The following RAB11FIP3 variants were observed in gnomAD, a reference collection of about 807,000 sequenced individuals.
The protein encoded by RAB11FIP3 is RAB11 family interacting protein 3.
RAB11FIP3 carries 17 observed loss-of-function variants against 77.8 expected under a neutral mutation model. The ratio of observed to expected loss-of-function variants is 0.22; its 90% CI spans 0.15 to 0.33. The LOEUF (loss-of-function observed/expected upper bound fraction) is 0.33, where lower values mean the gene tolerates loss of function less well. RAB11FIP3 is among the 10% of genes least tolerant of loss of function. RAB11FIP3 has a pLI of 1.00. For synonymous variants in RAB11FIP3, 437 were observed against 448.2 expected (o/e 0.98, Z 0.31); for missense variants, 1,005 against 1,011.2 (o/e 0.99, Z 0.08).
intron 1 of RAB11FIP3, among the ~76,000 whole-genome samples, chr16:453,964 C>T (rs961232156): frequency 3.3e-5 from 5 of 152,052 alleles, no homozygotes; most frequent in African/African-American, 9.7e-5. Context: ...AGTAGGAAAA[C>T]TCATATTATT....
At chr16:503,167 C>G in intron 7 of RAB11FIP3, 70 bp downstream of exon 7, 1 of 1,301,978 alleles carries the variant, frequency 7.7e-7, no homozygotes, top group Non-Finnish European at 1.1e-6. Flanking sequence ...AGGGCCGCTG[C>G]AGACACCCCG....
At chr16:488,720 T>C (rs1488245301) in intron 4 of RAB11FIP3, 131 bp from the exon 5 acceptor site, 66 of 838,744 alleles carry the variant, frequency 7.9e-5, no homozygotes, top group Non-Finnish European at 9.4e-5. Flanking sequence ...ACTTTTTTTT[T>C]TTTTTTAAAC....
chr16:445,356 T>G (rs1419943554), intron 1 of RAB11FIP3, among the ~76,000 whole-genome samples: 1 of 144,610 alleles, frequency 6.9e-6, no homozygotes, highest in Non-Finnish European at 1.5e-5. Context: ...CGAGAATCGC[T>G]TGAACCCAGG....
At chr16:452,108 G>C (rs189550599) in intron 1 of RAB11FIP3, among the ~76,000 whole-genome samples, 1 of 151,748 alleles carries the variant, frequency 6.6e-6, no homozygotes, top group African/African-American at 2.4e-5. Context: ...TTGAGATCGC[G>C]CCACTGTACT....
chr16:519,125 TG>T, intron 10 of RAB11FIP3, 101 bp downstream of exon 10: 1 of 1,269,382 alleles, frequency 7.9e-7, no homozygotes, highest in South Asian at 1.2e-5. Context: ...AGCGGGATAC[TG>T]TGCTGTGTGT....
chr16:425,671 T>G lies in RAB11FIP3; in HGVS notation c.-336T>G, dbSNP rs1315944036. On this transcript the variant is annotated 5_prime_UTR_variant, in exon 1 of 14. Coordinates refer to ENST00000262305, the MANE Select transcript of RAB11FIP3 (RefSeq NM_014700.4). ...CTCAGCCTCCTTAGTCTCCTCATCC[T>G]GCTTCACAGGCTCCGCGGCCTCCGG... is the stretch of plus-strand genomic sequence containing the variant. The G allele has an allele frequency of 4.2e-6, 1 of 235,836 alleles. No homozygotes were observed. Among genetic ancestry groups the G allele is most frequent in the Non-Finnish European group, 8.3e-6 (1 of 120,928 alleles). The allele number at this position is 235,836 out of a possible 1,614,324, so 14.6% of individuals were successfully genotyped here.
At chr16:464,722 C>T (rs1482264297) in intron 2 of RAB11FIP3, among the ~76,000 whole-genome samples, 1 of 152,088 alleles carries the variant, frequency 6.6e-6, no homozygotes, top group Non-Finnish European at 1.5e-5. Context: ...ATAGTGAGAC[C>T]TTGGCTGTGC....
In RAB11FIP3 at chr16:476,822, G is replaced by C. The variant is rs1211308199; in HGVS notation, c.903+5433G>C. On this transcript the variant is annotated intron_variant, in intron 3 of 13. Transcript: ENST00000262305. Reference sequence around the variant, plus strand: ...GAAAAAATTTTAGGCTGGGCATGGTGGCTCAGGCCTGTAATCCCAGCACTT... The same window carrying C: ...GAAAAAATTTTAGGCTGGGCATGGTCGCTCAGGCCTGTAATCCCAGCACTT... Among the ~76,000 whole-genome samples the C allele has an allele frequency of 2.0e-5, 3 of 151,114 alleles. No individual in the cohort carries two copies. In the East Asian group the frequency reaches 5.9e-4, roughly 30 times the overall value.
chr16:457,929 G>C (rs972398957), intron 1 of RAB11FIP3, among the ~76,000 whole-genome samples: 21 of 152,366 alleles, frequency 1.4e-4, no homozygotes, highest in South Asian at 2.1e-4. Flanking sequence ...GATAAGTGGG[G>C]AGATGTTTTA....
rs557767628 is a variant in RAB11FIP3, at chr16:486,687, G to A, written c.1116-2164G>A. 4.6e-5 allele frequency among the ~76,000 whole-genome samples: 7 copies of A among 152,284 alleles called. No individual in the cohort carries two copies. In the South Asian group the frequency reaches 6.2e-4, roughly 14 times the overall value. ...TGGGCCTCTTGGTCCTCAGTGTGAC[G>A]TTGCATGTGGGCCTTCTCTGTTCCC... On this transcript the variant is annotated intron_variant, in intron 4 of 13. Coordinates refer to ENST00000262305, the MANE Select transcript of RAB11FIP3 (RefSeq NM_014700.4).
chr16:441,964 G>A (rs966060903), intron 1 of RAB11FIP3, among the ~76,000 whole-genome samples: 8 of 152,092 alleles, frequency 5.3e-5, no homozygotes, highest in African/African-American at 1.7e-4. Flanking sequence ...TCAGCCTCCC[G>A]AGTAGCTGGG....
rs2055607168 is a variant in RAB11FIP3, at chr16:461,612, G to A, written c.808+115G>A. 1 of 831,394 alleles carries A rather than the reference G, an allele frequency of 1.2e-6. No homozygotes were observed. Among genetic ancestry groups the A allele is most frequent in the East Asian group, 2.8e-5 (1 of 36,274 alleles). The allele number at this position is 831,394 out of a possible 1,614,324, so 51.5% of individuals were successfully genotyped here. A position where few individuals can be genotyped will look rare whatever the true frequency, so the allele number is the denominator to read the frequency against. ...GACTCTAACATCTTTCCTTCTCCTT[G>A]AAGCCCCCAACATACCCCAGGTTTC... On this transcript the variant is annotated intron_variant, in intron 2 of 13. Coordinates refer to ENST00000262305, the MANE Select transcript of RAB11FIP3 (RefSeq NM_014700.4). The surrounding 1 kb of genome is among the most constrained non-coding windows in gnomAD (Gnocchi z 4.5).
rs757632389 is a variant in RAB11FIP3 at position 519,807 on chromosome 16, A to G, written c.1776A>G (p.Glu592=). 1.9e-6 allele frequency: 3 copies of G among 1,609,114 alleles called. No homozygotes were observed. Among genetic ancestry groups the G allele is most frequent in the Non-Finnish European group, 2.5e-6 (3 of 1,177,978 alleles). Residue 592 remains glutamate (E), a synonymous_variant, in exon 11 of 14, where the codon GAA becomes GAG. Transcript: ENST00000262305. ...AGTCGCTGACGCTGCGGCTCAGTGA[A>G]GAGCAGGAGAACAAGAGGAGAATGG... is the stretch of plus-strand genomic sequence containing the variant. The part of the protein sequence containing the change: ...EIESLTLRLS[E]EQENKRRMGD...
rs1376776862 is a variant in RAB11FIP3 at position 505,603 on chromosome 16, A to G, written c.1475A>G (p.Gln492Arg). 5.0e-6 allele frequency: 8 copies of G among 1,602,414 alleles called. No homozygotes were observed. Among genetic ancestry groups the G allele is most frequent in the African/African-American group, 1.3e-5 (1 of 74,904 alleles). The change falls in exon 8 of 14, where the codon CAG becomes CGG. Residue 492 changes from glutamine to arginine, a missense_variant. Coordinates refer to ENST00000262305, the MANE Select transcript of RAB11FIP3 (RefSeq NM_014700.4). This position sits in a 1 kb window ranked among gnomAD's most constrained non-coding sequence, Gnocchi z 4.0. ...GGTGAGCAACACAGCCGCCTGAGGC[A>G]GGAGAACCTGCAGCTGGTGCACAGG... ...ATGEQHSRLR[Q>R]ENLQLVHRAN...
intron 1 of RAB11FIP3, among the ~76,000 whole-genome samples, chr16:435,457 G>T (rs569073861): frequency 6.6e-6 from 1 of 152,120 alleles, no homozygotes; most frequent in African/African-American, 2.4e-5. Flanking sequence ...AATTATAAAG[G>T]CTCCAAATTT....
chr16:499,058 C>T (rs572982399), intron 6 of RAB11FIP3, among the ~76,000 whole-genome samples: 2 of 151,998 alleles, frequency 1.3e-5, no homozygotes, highest in African/African-American at 4.8e-5. Context: ...TAAAAAAATA[C>T]AAGATTAGCC....
At chr16:500,745 A>G (rs1273039871) in intron 6 of RAB11FIP3, among the ~76,000 whole-genome samples, 4 of 149,854 alleles carry the variant, frequency 2.7e-5, no homozygotes, top group Non-Finnish European at 5.9e-5. Flanking sequence ...AAGCAGCCGC[A>G]TGACCCATGC....
chr16:450,907 C>T (rs1308839060), intron 1 of RAB11FIP3, among the ~76,000 whole-genome samples: 1 of 141,494 alleles, frequency 7.1e-6, no homozygotes, highest in Non-Finnish European at 1.5e-5. Flanking sequence ...ACCTGCTTCT[C>T]CAGGGACCAG....
intron 1 of RAB11FIP3, among the ~76,000 whole-genome samples, chr16:435,211 A>G (rs1392885106): frequency 9.2e-5 from 14 of 152,062 alleles, no homozygotes; most frequent in South Asian, 4.1e-4. Flanking sequence ...TCTCAAAAAA[A>G]AAAAAAAAAA....
Sources: gnomAD v4.1 joint callset for allele counts (sites outside exome capture counted in the v4.1 genomes callset) on GRCh38, gnomAD v4.1.1 for gene constraint, Gnocchi (gnomAD v3.1) non-coding constraint, MANE v1.5 for transcripts, NCBI Gene and HGNC (gene_info 2026-07-23, HGNC 2026-07-21) for gene names.